COMMD1: variants seen among roughly 807,000 people sequenced by gnomAD.
COMMD1 encodes copper metabolism domain containing 1.
COMMD1 carries 10 observed loss-of-function variants against 17.2 expected under a neutral mutation model. The ratio of observed to expected loss-of-function variants is 0.58; its 90% CI spans 0.36 to 0.99. The LOEUF (loss-of-function observed/expected upper bound fraction) is 0.99, where lower values mean the gene tolerates loss of function less well. COMMD1 is among the 50% of genes least tolerant of loss of function. The pLI, the probability that COMMD1 is intolerant of heterozygous loss-of-function variation, is 0.01. For missense variants in COMMD1, 270 were observed against 231.8 expected, an observed-to-expected ratio of 1.17 and a Z score of -1.07; for synonymous variants, 97 against 91.6, an observed-to-expected ratio of 1.06 and a Z score of -0.34.
At chr2:62,100,640 T>G (rs1672152823) in intron 2 of COMMD1, among the ~76,000 whole-genome samples, 1 of 152,180 alleles carries the variant, frequency 6.6e-6, no homozygotes, top group Non-Finnish European at 1.5e-5. Flanking sequence ...TGAGTTTATC[T>G]AAGGACCTAG....
At chr2:61,969,728 T>C (rs1207838897) in intron 1 of COMMD1, among the ~76,000 whole-genome samples, 1 of 152,196 alleles carries the variant, frequency 6.6e-6, no homozygotes, top group Non-Finnish European at 1.5e-5. Context: ...AGCTTTCTGA[T>C]ATTCTTAATT....
chr2:62,078,899 TGTG>T (rs1671437152), intron 2 of COMMD1, among the ~76,000 whole-genome samples: 1 of 151,382 alleles, frequency 6.6e-6, no homozygotes, highest in Admixed American at 6.6e-5. Flanking sequence ...AAAAAAGAAT[TGTG>T]GTGACCAAAG....
intron 2 of COMMD1, among the ~76,000 whole-genome samples, chr2:62,027,268 T>C (rs942911476): frequency 1.3e-5 from 2 of 152,224 alleles, no homozygotes; most frequent in African/African-American, 4.8e-5. Flanking sequence ...TTCTGGCTAA[T>C]ACAAAAATCA....
intron 2 of COMMD1, among the ~76,000 whole-genome samples, chr2:62,019,101 T>TTCCCTCCCTCCC (rs767718400): frequency 1.1e-5 from 1 of 88,324 alleles, no homozygotes; most frequent in Non-Finnish European, 2.2e-5. Context: ...TCTCTCTCTC[T>TTCCCTCCCTCCC]TCCCTCCCTC....
intron 2 of COMMD1, among the ~76,000 whole-genome samples, chr2:62,071,568 A>G (rs1033256825): frequency 4.6e-5 from 7 of 152,340 alleles, no homozygotes; most frequent in Non-Finnish European, 7.3e-5. Context: ...TGCCTCTGAC[A>G]TATGGAGGGG....
chr2:61,910,474 T>G (rs1294275744), intron 1 of COMMD1, among the ~76,000 whole-genome samples: 1 of 152,168 alleles, frequency 6.6e-6, no homozygotes, highest in Non-Finnish European at 1.5e-5. Flanking sequence ...CCCGAACTCC[T>G]AACTTCAAGC....
intron 1 of COMMD1, among the ~76,000 whole-genome samples, chr2:61,942,179 C>T (rs1025778259): frequency 2.0e-5 from 3 of 150,404 alleles, no homozygotes. Flanking sequence ...TCTTGGCTCA[C>T]TGCAACCTCC....
intron 1 of COMMD1, among the ~76,000 whole-genome samples, chr2:62,000,351 C>T (rs113056722): frequency 6.6e-6 from 1 of 150,868 alleles, no homozygotes; most frequent in Admixed American, 6.6e-5. Flanking sequence ...TGGCTCACTG[C>T]AGTCCCTGCC....
intron 1 of COMMD1, among the ~76,000 whole-genome samples, chr2:61,985,799 T>C (rs1000519016): frequency 2.6e-5 from 4 of 152,180 alleles, no homozygotes; most frequent in African/African-American, 9.7e-5. Flanking sequence ...TAACTGTTTT[T>C]TGTTTCTATT....
chr2:61,986,206 G>A (rs1672101264), intron 1 of COMMD1, among the ~76,000 whole-genome samples: 1 of 151,666 alleles, frequency 6.6e-6, no homozygotes, highest in Non-Finnish European at 1.5e-5. Context: ...ATCTCACCTG[G>A]CATGAGATTA....
At chr2:61,960,089 G>A (rs1671300388) in intron 1 of COMMD1, among the ~76,000 whole-genome samples, 1 of 151,816 alleles carries the variant, frequency 6.6e-6, no homozygotes. Context: ...GCCAGAGCAA[G>A]CTAGGACAGC....
At chr2:62,014,494 A>G (rs1042797555) in intron 2 of COMMD1, among the ~76,000 whole-genome samples, 18 of 151,430 alleles carry the variant, frequency 1.2e-4, no homozygotes, top group Non-Finnish European at 2.2e-4. Flanking sequence ...GTACTTAAAA[A>G]AAAAAAATTG....
intron 1 of COMMD1, among the ~76,000 whole-genome samples, chr2:61,979,625 A>G (rs1423207494): frequency 2.0e-5 from 3 of 152,176 alleles, no homozygotes; most frequent in African/African-American, 7.2e-5. Context: ...TTTTTTGAGG[A>G]ACTCCAAACT....
chr2:62,080,404 A>G (rs566383935), intron 2 of COMMD1, among the ~76,000 whole-genome samples: 2 of 152,330 alleles, frequency 1.3e-5, no homozygotes, highest in South Asian at 4.1e-4. Context: ...GAGTAAGTGG[A>G]TAACATTATC....
chr2:62,121,237 G>A (rs1672734128), intron 2 of COMMD1, among the ~76,000 whole-genome samples: 1 of 151,132 alleles, frequency 6.6e-6, no homozygotes, highest in African/African-American at 2.4e-5. Flanking sequence ...GGGCGTGGTG[G>A]CATTTGCCTG....
chr2:62,059,096 G>A (rs1670787037), intron 2 of COMMD1, among the ~76,000 whole-genome samples: 1 of 152,096 alleles, frequency 6.6e-6, no homozygotes, highest in Non-Finnish European at 1.5e-5. Flanking sequence ...TCTTCTTAAG[G>A]TTGAAGCTTT....
chr2:62,049,044 A>T (rs1364168122), intron 2 of COMMD1, among the ~76,000 whole-genome samples: 1 of 152,196 alleles, frequency 6.6e-6, no homozygotes, highest in Non-Finnish European at 1.5e-5. Context: ...TGGGTGAGGG[A>T]AATACATTTA....
intron 1 of COMMD1, among the ~76,000 whole-genome samples, chr2:61,937,496 A>G (rs1670635094): frequency 6.6e-6 from 1 of 152,230 alleles, no homozygotes. Context: ...AGAGTAAACA[A>G]GACTTATAGC....
chr2:61,895,935 C>T lies in COMMD1; in HGVS notation n.119+7093C>T, dbSNP rs191367684. Among the ~76,000 whole-genome samples the T allele has an allele frequency of 1.5e-4, 23 of 152,284 alleles. No individual in the cohort carries two copies. The East Asian group carries it at 3.7e-3, about 24-fold the overall frequency. On this transcript the variant is annotated intron_variant and non_coding_transcript_variant, in intron 1 of 2. Transcript: ENST00000472729. The stretch of plus-strand genomic sequence containing the variant: ...AGACAGGATCCACACCCATTAGAGC[C>T]CATGGTAACAAGCTTGCCAACTGTG...
Sources: gnomAD v4.1 joint callset for allele counts (sites outside exome capture counted in the v4.1 genomes callset) on GRCh38, gnomAD v4.1.1 for gene constraint, MANE v1.5 for transcripts, NCBI Gene and HGNC (gene_info 2026-07-23, HGNC 2026-07-21) for gene names.